The following ZSCAN23 variants were observed in gnomAD, a reference collection of about 807,000 sequenced individuals.
ZSCAN23 encodes the protein zinc finger and SCAN domain containing 23, also known as zinc finger and SCAN domain-containing protein 23.
Under a neutral mutation model 19.3 loss-of-function variants are expected in ZSCAN23, and 19 were observed. The observed-to-expected ratio is 0.99, with a 90% confidence interval of 0.69 to 1.45. ZSCAN23 has a LOEUF of 1.45. Ranked by LOEUF, ZSCAN23 falls within the 40% of genes most tolerant of loss-of-function variation. The pLI, the probability that ZSCAN23 is intolerant of heterozygous loss-of-function variation, is 0.00. For synonymous variants in ZSCAN23, 140 were observed against 166.2 expected (o/e 0.84, Z 1.21); for missense variants, 372 against 462.5 (o/e 0.80, Z 1.79).
downstream of ZSCAN23, chr6:28,432,584 A>AAAGCTGTT (rs376876628): frequency 1.4e-4 from 22 of 152,296 alleles, no homozygotes; most frequent in African/African-American, 5.3e-4. Flanking sequence ...AGCTCATATG[A>AAAGCTGTT]AAGCTGTTAG....
At chr6:28,431,895 T>C (rs1225524488), downstream of ZSCAN23, 3 of 152,222 alleles carry the variant, frequency 2.0e-5, no homozygotes, top group African/African-American at 7.2e-5. Context: ...TTGGTCAACA[T>C]TTTTTGCCCA....
At chr6:28,427,691 A>G (rs1393984819), downstream of ZSCAN23, among the ~76,000 whole-genome samples, 1 of 152,226 alleles carries the variant, frequency 6.6e-6, no homozygotes, top group Non-Finnish European at 1.5e-5. Flanking sequence ...ACATCGCTAT[A>G]TGGCACATGA....
At chr6:28,441,990 G>A (rs763916300) in intron 1 of ZSCAN23, among the ~76,000 whole-genome samples, 3 of 150,140 alleles carry the variant, frequency 2.0e-5, no homozygotes, top group African/African-American at 4.9e-5. Context: ...CAATCCTCCT[G>A]CCTCAGCTTC....
At chr6:28,430,342 A>T (rs552211158), downstream of ZSCAN23, among the ~76,000 whole-genome samples, 27 of 152,058 alleles carry the variant, frequency 1.8e-4, no homozygotes, top group Non-Finnish European at 3.7e-4. Context: ...AGCCCTAGTC[A>T]TGTCTCTCAG....
Position 28,436,277 on chromosome 6 carries a change from A to C in ZSCAN23, c.-11T>G. ...CAAGGTTATGGCCATCAAAGGTTTAACTATTCAGAAAAATAATCTATTCTT... is the reference window on the plus strand; with the variant it reads ...CAAGGTTATGGCCATCAAAGGTTTACCTATTCAGAAAAATAATCTATTCTT... On this transcript the variant is annotated 5_prime_UTR_variant, in exon 2 of 4. Coordinates refer to ENST00000289788, the MANE Select transcript of ZSCAN23 (RefSeq NM_001012455.2). The C allele has an allele frequency of 6.6e-7, 1 of 1,511,710 alleles. No homozygotes were observed. The highest frequency in any genetic ancestry group is 8.9e-7 in the Non-Finnish European group (1 of 1,126,372). The allele number at this position is 1,511,710 out of a possible 1,614,324, so 93.6% of individuals were successfully genotyped here. A position where few individuals can be genotyped will look rare whatever the true frequency, so the allele number is the denominator to read the frequency against.
chr6:28,425,683 A>G, the ZSCAN23 span, among the ~76,000 whole-genome samples: 1 of 152,178 alleles, frequency 6.6e-6, no homozygotes, highest in Non-Finnish European at 1.5e-5. Context: ...ACTTCAAGTC[A>G]CCAGCTCCAT....
downstream of ZSCAN23, among the ~76,000 whole-genome samples, chr6:28,430,068 C>T (rs1218655034): frequency 6.6e-6 from 1 of 152,230 alleles, no homozygotes; most frequent in Non-Finnish European, 1.5e-5. Context: ...GTCGTAACCT[C>T]TTGTGTCCAG....
chr6:28,429,249 T>C (rs756113390), downstream of ZSCAN23, among the ~76,000 whole-genome samples: 3 of 152,216 alleles, frequency 2.0e-5, no homozygotes, highest in Non-Finnish European at 4.4e-5. Flanking sequence ...AAGAAATGCC[T>C]TTTATCTGGC....
intron 1 of ZSCAN23, among the ~76,000 whole-genome samples, chr6:28,442,726 T>C (rs896008296): frequency 1.6e-4 from 25 of 152,194 alleles, no homozygotes; most frequent in Admixed American, 7.2e-4. Flanking sequence ...ATTGCCTGTA[T>C]TTGAATCCTG....
At chr6:28,439,628 C>T (rs534124668) in intron 1 of ZSCAN23, among the ~76,000 whole-genome samples, 3 of 152,108 alleles carry the variant, frequency 2.0e-5, no homozygotes, top group South Asian at 2.1e-4. Flanking sequence ...TTAATAATAG[C>T]GGACATTTAT....
intron 1 of ZSCAN23, 87 bp from the exon 2 acceptor site, chr6:28,436,430 T>A: frequency 1.6e-6 from 1 of 620,990 alleles, no homozygotes; most frequent in Non-Finnish European, 2.6e-6. Flanking sequence ...CTAAAATCAG[T>A]CACTCTGTCT....
chr6:28,431,497 G>A (rs1175869682), downstream of ZSCAN23, among the ~76,000 whole-genome samples: 1 of 152,168 alleles, frequency 6.6e-6, no homozygotes, highest in Non-Finnish European at 1.5e-5. Context: ...TTCAGGCTCT[G>A]CCTCAGAAAC....
the ZSCAN23 span, among the ~76,000 whole-genome samples, chr6:28,422,151 T>G: frequency 6.6e-6 from 1 of 152,102 alleles, no homozygotes; most frequent in African/African-American, 2.4e-5. The surrounding 1 kb of genome is among the most constrained non-coding windows in gnomAD (Gnocchi z 4.0). Flanking sequence ...TGAAGCTGGG[T>G]GACAGGTTTG....
At chr6:28,443,248 G>A (rs1172897346) in intron 1 of ZSCAN23, among the ~76,000 whole-genome samples, 151 bp downstream of exon 1, 1 of 152,188 alleles carries the variant, frequency 6.6e-6, no homozygotes, top group African/African-American at 2.4e-5. Flanking sequence ...AGCCCTTCCA[G>A]GCTGCGGAGC....
chr6:28,434,960 C>T lies in ZSCAN23; in HGVS notation c.675G>A (p.Glu225=). 3 of 1,551,870 alleles carry T rather than the reference C, an allele frequency of 1.9e-6. No homozygotes were observed. The highest frequency in any genetic ancestry group is 1.7e-4 in the Middle Eastern group (1 of 5,992). Reference sequence around the variant, plus strand: ...CCTCACGGTCACAGGTATCTCCATACTCAGGAATCTGAGTAATATTACCAT... The same window carrying T: ...CCTCACGGTCACAGGTATCTCCATATTCAGGAATCTGAGTAATATTACCAT... ...KQNGNITQIP[E]YGDTCDREGR... The change falls in exon 4 of 4, where the codon GAG becomes GAA. Residue 225 remains glutamate, a synonymous_variant. Coordinates refer to ENST00000289788, the MANE Select transcript of ZSCAN23 (RefSeq NM_001012455.2).
chr6:28,426,441 G>A, the ZSCAN23 span, among the ~76,000 whole-genome samples: 3 of 152,154 alleles, frequency 2.0e-5, no homozygotes, highest in Non-Finnish European at 4.4e-5. Flanking sequence ...GTTGGTTGGT[G>A]GAAGAGTCAG....
At chr6:28,438,872 A>G (rs920469941) in intron 1 of ZSCAN23, among the ~76,000 whole-genome samples, 1 of 152,206 alleles carries the variant, frequency 6.6e-6, no homozygotes, top group South Asian at 2.1e-4. Flanking sequence ...TGATCACATT[A>G]CAACCCGAAG....
intron 1 of ZSCAN23, among the ~76,000 whole-genome samples, chr6:28,442,159 G>A (rs1762015432): frequency 6.6e-6 from 1 of 152,150 alleles, no homozygotes. Flanking sequence ...TTACAGGCAT[G>A]AACCATAGTG....
chr6:28,423,708 A>C, the ZSCAN23 span, among the ~76,000 whole-genome samples: 1 of 152,194 alleles, frequency 6.6e-6, no homozygotes, highest in African/African-American at 2.4e-5. Context: ...AGTTGGTCTG[A>C]ATGCATTCCT....
Sources: gnomAD v4.1 joint callset for allele counts (sites outside exome capture counted in the v4.1 genomes callset) on GRCh38, gnomAD v4.1.1 for gene constraint, Gnocchi (gnomAD v3.1) non-coding constraint, MANE v1.5 for transcripts, NCBI Gene and HGNC (gene_info 2026-07-23, HGNC 2026-07-21) for gene names.